The following FOXP2 variants were observed in gnomAD, a reference collection of about 807,000 sequenced individuals.
FOXP2 encodes the protein forkhead box P2.
FOXP2 carries 12 observed loss-of-function variants against 115.8 expected under a neutral mutation model. The observed-to-expected ratio is 0.10, with a 90% CI of 0.07 to 0.17. FOXP2 has a LOEUF of 0.17. Ranked by LOEUF, FOXP2 falls within the 10% of genes least tolerant of loss-of-function variation. The pLI is 1.00. For synonymous variants in FOXP2, 328 were observed against 297.7 expected (o/e 1.10, Z -1.05); for missense variants, 629 against 843.5 (o/e 0.75, Z 3.15).
intron 2 of FOXP2, among the ~76,000 whole-genome samples, chr7:114,468,562 G>A (rs945921751): frequency 6.6e-6 from 1 of 151,864 alleles, no homozygotes; most frequent in East Asian, 1.9e-4. Context: ...CGCTACATAC[G>A]GGTCCTCGCT....
chr7:114,671,648 A>G (rs952859877), intron 16 of FOXP2, among the ~76,000 whole-genome samples: 3 of 152,146 alleles, frequency 2.0e-5, no homozygotes, highest in African/African-American at 7.2e-5. Flanking sequence ...ATAATGCTTC[A>G]GTGTTAACTT....
intron 1 of FOXP2, among the ~76,000 whole-genome samples, chr7:114,282,849 T>C (rs1047545998): frequency 2.0e-5 from 3 of 152,154 alleles, no homozygotes; most frequent in Non-Finnish European, 2.9e-5. Flanking sequence ...TCTGTACAAA[T>C]GATAGTAATA....
intron 11 of FOXP2, among the ~76,000 whole-genome samples, chr7:114,658,669 C>A (rs561462805): frequency 1.3e-5 from 2 of 152,194 alleles, no homozygotes; most frequent in Non-Finnish European, 2.9e-5. Flanking sequence ...TTACATGAAT[C>A]AGTCTTTATC....
intron 3 of FOXP2, among the ~76,000 whole-genome samples, chr7:114,559,732 C>CA (rs1487407727): frequency 1.8e-4 from 28 of 151,844 alleles, no homozygotes; most frequent in African/African-American, 6.0e-4. Flanking sequence ...AAAAACACCA[C>CA]AAAAAAATTA....
chr7:114,463,551 T>C (rs886417115), intron 2 of FOXP2, among the ~76,000 whole-genome samples: 8 of 152,230 alleles, frequency 5.3e-5, no homozygotes, highest in Non-Finnish European at 1.2e-4. Flanking sequence ...TATTTGATTA[T>C]AAGTGATAGA....
intron 1 of FOXP2, among the ~76,000 whole-genome samples, chr7:114,180,625 G>A (rs1231083649): frequency 6.6e-6 from 1 of 151,926 alleles, no homozygotes; most frequent in African/African-American, 2.4e-5. Flanking sequence ...CTTCTCTTAT[G>A]ATATGTTCTG....
chr7:114,344,090 T>C (rs1175490377), intron 2 of FOXP2, among the ~76,000 whole-genome samples: 3 of 151,668 alleles, frequency 2.0e-5, no homozygotes, highest in Non-Finnish European at 3.0e-5. Context: ...TTGTATATAA[T>C]TCTTGGTCAA....
chr7:114,415,037 T>A lies in FOXP2; in HGVS notation c.-334T>A. ...CCCCTCACGTTGCACACCAAAGACA[T>A]ACCCTAGTGATTAAATGCTGATTTT... On this transcript the variant is annotated 5_prime_UTR_variant, in exon 1 of 17. Coordinates refer to ENST00000350908, the MANE Select transcript of FOXP2 (RefSeq NM_014491.4). 2.2e-6 allele frequency: 1 copy of A among 453,946 alleles called. No homozygotes were observed. Among genetic ancestry groups the A allele is most frequent in the South Asian group, 1.6e-5 (1 of 64,430 alleles). 28.1% of individuals were successfully genotyped at this position (453,946 alleles called of 1,614,324 possible). A position where few individuals can be genotyped will look rare whatever the true frequency, so the allele number is the denominator to read the frequency against.
At chr7:114,278,025 TAAAA>T (rs1198719493) in intron 1 of FOXP2, among the ~76,000 whole-genome samples, 1 of 76,240 alleles carries the variant, frequency 1.3e-5, no homozygotes, top group Non-Finnish European at 2.4e-5. Flanking sequence ...AGACCTTGTC[TAAAA>T]AAAAAAAAAA....
At chr7:114,561,949 C>G (rs1800779370) in intron 3 of FOXP2, among the ~76,000 whole-genome samples, 1 of 152,136 alleles carries the variant, frequency 6.6e-6, no homozygotes, top group Admixed American at 6.5e-5. Flanking sequence ...GCCACCATGT[C>G]TAACTTGGAC....
chr7:114,678,896 A>G (rs1807921988), intron 16 of FOXP2, among the ~76,000 whole-genome samples: 1 of 152,202 alleles, frequency 6.6e-6, no homozygotes, highest in Admixed American at 6.6e-5. Flanking sequence ...TGAAAAGTTA[A>G]GATGTATTTT....
intron 1 of FOXP2, among the ~76,000 whole-genome samples, chr7:114,218,337 T>C (rs1794534614): frequency 6.6e-6 from 1 of 152,146 alleles, no homozygotes; most frequent in Non-Finnish European, 1.5e-5. Flanking sequence ...TAGATACATA[T>C]ATTGTTAGAG....
intron 2 of FOXP2, among the ~76,000 whole-genome samples, chr7:114,314,313 A>T (rs1174682407): frequency 1.3e-5 from 2 of 151,334 alleles, no homozygotes; most frequent in Admixed American, 1.3e-4. Context: ...GTTGACAGAT[A>T]TAACTGTAAA....
chr7:114,556,747 T>C (rs1800476342), intron 3 of FOXP2, among the ~76,000 whole-genome samples: 1 of 152,218 alleles, frequency 6.6e-6, no homozygotes, highest in African/African-American at 2.4e-5. Context: ...ACAGCATTTA[T>C]TGATGCTGAT....
At chr7:114,254,843 C>T (rs1019187069) in intron 1 of FOXP2, among the ~76,000 whole-genome samples, 3 of 152,218 alleles carry the variant, frequency 2.0e-5, no homozygotes, top group Non-Finnish European at 4.4e-5. Flanking sequence ...CGAGGAGCTG[C>T]GTTCCTTTGG....
At chr7:114,489,637 G>T (rs1464340022) in intron 2 of FOXP2, among the ~76,000 whole-genome samples, 2 of 151,830 alleles carry the variant, frequency 1.3e-5, no homozygotes, top group South Asian at 2.1e-4. Context: ...CACATACCTT[G>T]TTGCCCGTTT....
chr7:114,583,346 C>T (rs1801965107), intron 3 of FOXP2, among the ~76,000 whole-genome samples: 1 of 152,074 alleles, frequency 6.6e-6, no homozygotes, highest in Admixed American at 6.5e-5. Context: ...CCACTGCACT[C>T]CAGCCTGGGC....
At chr7:114,112,166 C>A (rs994247381) in intron 1 of FOXP2, among the ~76,000 whole-genome samples, 2 of 152,048 alleles carry the variant, frequency 1.3e-5, no homozygotes, top group African/African-American at 4.8e-5. Context: ...CAATAAGGTG[C>A]CTTTTAAATC....
chr7:114,642,078 T>A (rs1206406831), intron 6 of FOXP2, among the ~76,000 whole-genome samples: 1 of 152,134 alleles, frequency 6.6e-6, no homozygotes, highest in African/African-American at 2.4e-5. Context: ...AGTGCTGGGA[T>A]TACAGGCGTG....
Sources: allele counts gnomAD v4.1 joint callset (sites outside exome capture counted in the v4.1 genomes callset), GRCh38; gene constraint gnomAD v4.1.1; transcripts MANE v1.5; gene names NCBI Gene and HGNC (gene_info 2026-07-23, HGNC 2026-07-21).